Variants in SQOR observed in about 807,000 individuals in gnomAD.
SQOR encodes the protein sulfide quinone oxidoreductase.
In SQOR, 39 loss-of-function variants were observed where a neutral mutation model predicts 48.6. The ratio of observed to expected loss-of-function variants is 0.80; its 90% CI spans 0.62 to 1.05. The LOEUF (loss-of-function observed/expected upper bound fraction) is 1.05, where lower values mean the gene tolerates loss of function less well. SQOR is among the 50% of genes least tolerant of loss of function. The pLI is 0.00. For synonymous variants in SQOR, 220 were observed against 206.2 expected (o/e 1.07, Z -0.57); for missense variants, 561 against 559.9 (o/e 1.00, Z -0.02).
chr15:45,659,167 C>A lies in SQOR; in HGVS notation c.234+10C>A, dbSNP rs1482913820. On this transcript the variant is annotated intron_variant, in intron 2 of 9. Coordinates refer to ENST00000260324, the MANE Select transcript of SQOR (RefSeq NM_021199.4). ...TGTTGAGCCCAGTGAGGTAAGCCTCCCCTTTTGAGGGCCTGGGTGTGTGTG... is the reference window on the plus strand; with the variant it reads ...TGTTGAGCCCAGTGAGGTAAGCCTCACCTTTTGAGGGCCTGGGTGTGTGTG... 2 of 1,503,942 alleles carry A rather than the reference C, an allele frequency of 1.3e-6. No individual in the cohort carries two copies. Among genetic ancestry groups the A allele is most frequent in the East Asian group, 4.7e-5 (2 of 42,168 alleles). The allele number at this position is 1,503,942 out of a possible 1,614,324, so 93.2% of individuals were successfully genotyped here.
chr15:45,656,396 C>A (rs1889611991), intron 1 of SQOR, among the ~76,000 whole-genome samples: 2 of 152,076 alleles, frequency 1.3e-5, no homozygotes, highest in African/African-American at 4.8e-5. Flanking sequence ...ACCTCCCGGG[C>A]TTGAGTGATC....
In SQOR at chr15:45,659,018, T is replaced by G; in HGVS notation, c.95T>G (p.Leu32Arg). 1 of 1,603,284 alleles carries G rather than the reference T, an allele frequency of 6.2e-7. No homozygotes were observed. The highest frequency in any genetic ancestry group is 8.5e-7 in the Non-Finnish European group (1 of 1,175,220). ...LGTQQVGPLQ[L>R]HTGASHAARN... ...ACTCAGCAGGTCGGCCCCCTTCAGC[T>G]GCACACCGGGGCCAGCCATGCGGCC... Residue 32 changes from leucine to arginine, a missense_variant, in exon 2 of 10, where the codon CTG (leucine) becomes CGG (arginine). Physicochemically the swap from Leu to Arg is moderately radical, Grantham distance 102. Transcript: ENST00000260324.
intron 7 of SQOR, among the ~76,000 whole-genome samples, chr15:45,683,973 G>A (rs1030464566): frequency 3.9e-5 from 6 of 151,904 alleles, no homozygotes; most frequent in East Asian, 1.9e-4. Context: ...GTGCAGTGGC[G>A]CACTCTCAGC....
intron 7 of SQOR, among the ~76,000 whole-genome samples, chr15:45,686,309 G>A (rs960732857): frequency 6.6e-6 from 1 of 151,980 alleles, no homozygotes; most frequent in East Asian, 1.9e-4. Context: ...CTGCCACCAC[G>A]CCTGGCTAAT....
chr15:45,676,050 A>AG lies in SQOR; in HGVS notation c.655-51_655-50insG, dbSNP rs530249507. 8,800 of 1,525,040 alleles carry AG rather than the reference A, an allele frequency of 5.8e-3. 25 individuals are homozygous for AG. Among genetic ancestry groups the AG allele is most frequent in the Non-Finnish European group, 6.6e-3 (7,517 of 1,131,464 alleles). The allele number at this position is 1,525,040 out of a possible 1,614,324, so 94.5% of individuals were successfully genotyped here. A position where few individuals can be genotyped will look rare whatever the true frequency, so the allele number is the denominator to read the frequency against. On this transcript the variant is annotated intron_variant, in intron 5 of 9. Coordinates refer to ENST00000260324, the MANE Select transcript of SQOR (RefSeq NM_021199.4). ...ATTCTTGTCTGGATTAAAAAAAAAA[A>AG]AGGCAGCTGCAGTCATGCTTTGGTG... is the stretch of plus-strand genomic sequence containing the variant.
intron 1 of SQOR, among the ~76,000 whole-genome samples, chr15:45,652,416 C>T (rs778776705): frequency 2.6e-5 from 4 of 152,124 alleles, no homozygotes; most frequent in Non-Finnish European, 5.9e-5. Flanking sequence ...CTCACAGCCA[C>T]CACCACCTCC....
intron 7 of SQOR, 126 bp from the exon 8 acceptor site, chr15:45,688,210 TG>T: frequency 1.6e-6 from 1 of 635,876 alleles, no homozygotes; most frequent in Non-Finnish European, 2.7e-6. Flanking sequence ...AAGAAGGTCA[TG>T]TTCTAGTCAC....
intron 1 of SQOR, among the ~76,000 whole-genome samples, chr15:45,642,303 C>A (rs1895118248): frequency 6.6e-6 from 1 of 152,186 alleles, no homozygotes; most frequent in Non-Finnish European, 1.5e-5. Context: ...AAACCTTGTG[C>A]ATGGTGGAGA....
At chr15:45,679,350 A>T (rs999287283) in intron 6 of SQOR, among the ~76,000 whole-genome samples, 12 of 152,100 alleles carry the variant, frequency 7.9e-5, no homozygotes, top group Non-Finnish European at 1.8e-4. Flanking sequence ...CAGATTGAGG[A>T]TGGGGAGTTT....
In SQOR at chr15:45,682,647, C is replaced by T; in HGVS notation, c.1034C>T (p.Thr345Ile). 6.2e-7 allele frequency: 1 copy of T among 1,614,026 alleles called. No homozygotes were observed. The highest frequency in any genetic ancestry group is 1.1e-5 in the South Asian group (1 of 91,076). Residue 345 changes from threonine to isoleucine, a missense_variant, in exon 7 of 10, where the codon ACC becomes ATC. Physicochemically the swap from Thr to Ile is moderately conservative, Grantham distance 89. Coordinates refer to ENST00000260324, the MANE Select transcript of SQOR (RefSeq NM_021199.4). ...TGCACCAACCTTCCTACGTCAAAGA[C>T]CGCTGCTGCAGTAGGTAAGTCAACC... ...GDCTNLPTSK[T>I]AAAVAAQSGI... is the part of the protein sequence containing the mutation.
At chr15:45,667,915 A>ATCTT (rs1173665350) in intron 3 of SQOR, among the ~76,000 whole-genome samples, 1 of 147,458 alleles carries the variant, frequency 6.8e-6, no homozygotes, top group Admixed American at 6.8e-5. Context: ...TCAATACATC[A>ATCTT]TCTTTCTTTA....
Position 45,676,250 on chromosome 15 carries a change from C to T in SQOR, c.804C>T (p.Ala268=), listed in dbSNP as rs776263886. The part of the protein sequence containing the change: ...NYKKNLIEVR[A]DKQEAVFENL... Reference sequence around the variant, plus strand: ...AGAAAAACCTCATTGAAGTCCGAGCCGATAAACAAGAGGCTGTATTTGAGA... The same window carrying T: ...AGAAAAACCTCATTGAAGTCCGAGCTGATAAACAAGAGGCTGTATTTGAGA... Residue 268 remains alanine (A), a synonymous_variant, in exon 6 of 10, where the codon GCC becomes GCT. Transcript: ENST00000260324. 5.9e-5 allele frequency: 96 copies of T among 1,613,904 alleles called. 1 individual carries two copies. In the Admixed American group the frequency reaches 1.1e-3, roughly 18 times the overall value.
chr15:45,667,944 T>C (rs1889867882), intron 3 of SQOR, among the ~76,000 whole-genome samples: 1 of 95,718 alleles, frequency 1.0e-5, no homozygotes, highest in African/African-American at 3.6e-5. Flanking sequence ...TTTCTTTCTT[T>C]TTTTTTTTTT....
At chr15:45,670,305 A>C (rs1889915786) in intron 4 of SQOR, among the ~76,000 whole-genome samples, 1 of 152,236 alleles carries the variant, frequency 6.6e-6, no homozygotes, top group South Asian at 2.1e-4. Context: ...GGCTGTATTG[A>C]AGATTACATT....
chr15:45,659,808 G>A (rs1889688271), intron 2 of SQOR, among the ~76,000 whole-genome samples: 1 of 152,178 alleles, frequency 6.6e-6, no homozygotes, highest in South Asian at 2.1e-4. Flanking sequence ...TACATTCCCA[G>A]GTACTGGGGT....
chr15:45,666,631 A>G (rs1889822237), intron 3 of SQOR, among the ~76,000 whole-genome samples: 1 of 152,128 alleles, frequency 6.6e-6, no homozygotes, highest in South Asian at 2.1e-4. Context: ...AAAAGGATAT[A>G]TTTATTGAGT....
At chr15:45,653,339 C>T (rs1889531801) in intron 1 of SQOR, among the ~76,000 whole-genome samples, 1 of 152,194 alleles carries the variant, frequency 6.6e-6, no homozygotes, top group Non-Finnish European at 1.5e-5. Flanking sequence ...GATCCATCCT[C>T]CTCAGGTTCT....
intron 6 of SQOR, among the ~76,000 whole-genome samples, chr15:45,676,764 G>T (rs973905959): frequency 6.6e-6 from 1 of 152,192 alleles, no homozygotes; most frequent in Admixed American, 6.5e-5. Flanking sequence ...GGATTGGCTG[G>T]GCATGGTGGC....
intron 1 of SQOR, among the ~76,000 whole-genome samples, chr15:45,642,024 A>G (rs1895113424): frequency 6.6e-6 from 1 of 152,190 alleles, no homozygotes; most frequent in African/African-American, 2.4e-5. Context: ...CTTTCCTGTT[A>G]TAACAGACAG....
Sources: allele counts gnomAD v4.1 joint callset (sites outside exome capture counted in the v4.1 genomes callset), GRCh38; gene constraint gnomAD v4.1.1; transcripts MANE v1.5; gene names NCBI Gene and HGNC (gene_info 2026-07-23, HGNC 2026-07-21).